The following NPL variants were observed in gnomAD, a reference collection of about 807,000 sequenced individuals.
The protein encoded by NPL is N-acetylneuraminate pyruvate lyase.
NPL carries 32 observed loss-of-function variants against 41.1 expected under a neutral mutation model. That is an observed-to-expected ratio of 0.78 (90% CI 0.59 to 1.05). The LOEUF (loss-of-function observed/expected upper bound fraction) is 1.05. Among genes scored for constraint, NPL ranks in the 50% least tolerant of loss-of-function variants. The pLI is 0.00. For synonymous variants in NPL, 128 were observed against 134.9 expected (o/e 0.95, Z 0.35); for missense variants, 321 against 378.4 (o/e 0.85, Z 1.26).
intron 3 of NPL, among the ~76,000 whole-genome samples, chr1:182,798,953 A>C (rs1261717880): frequency 1.3e-5 from 2 of 152,250 alleles, no homozygotes; most frequent in East Asian, 3.8e-4. Context: ...TATGTATAAA[A>C]GGCAAAAGAA....
chr1:182,816,548 G>A (rs1428035176), intron 7 of NPL, among the ~76,000 whole-genome samples, 166 bp from the exon 8 acceptor site: 2 of 152,194 alleles, frequency 1.3e-5, no homozygotes, highest in Non-Finnish European at 2.9e-5. Context: ...TGAAGGAAGT[G>A]AGTTGCAAAA....
intron 5 of NPL, 125 bp downstream of exon 5, chr1:182,806,357 A>C: frequency 6.4e-7 from 1 of 1,554,174 alleles, no homozygotes; most frequent in Non-Finnish European, 8.7e-7. Flanking sequence ...GCTGGTGGGA[A>C]GATGAGCAGG....
chr1:182,797,857 T>C (rs1402570074), intron 3 of NPL, among the ~76,000 whole-genome samples: 1 of 152,246 alleles, frequency 6.6e-6, no homozygotes, highest in African/African-American at 2.4e-5. Flanking sequence ...TGAATGCCAA[T>C]AATATACAAG....
chr1:182,803,319 T>C (rs1206008921), intron 3 of NPL, among the ~76,000 whole-genome samples: 2 of 152,236 alleles, frequency 1.3e-5, no homozygotes, highest in African/African-American at 2.4e-5. Context: ...CATTTAACCA[T>C]GTCTGCAACC....
chr1:182,797,392 C>T (rs1666705605), intron 3 of NPL, among the ~76,000 whole-genome samples: 1 of 152,168 alleles, frequency 6.6e-6, no homozygotes, highest in African/African-American at 2.4e-5. Context: ...ACAGATCAGT[C>T]CTGCATTTTA....
intron 5 of NPL, among the ~76,000 whole-genome samples, chr1:182,808,574 T>C (rs1315523507): frequency 6.6e-6 from 1 of 152,008 alleles, no homozygotes; most frequent in Non-Finnish European, 1.5e-5. Flanking sequence ...GAAAGAAGGG[T>C]AGTTTTGTTA....
chr1:182,814,720 C>A, intron 6 of NPL, 63 bp from the exon 7 acceptor site: 2 of 1,321,520 alleles, frequency 1.5e-6, no homozygotes, highest in South Asian at 1.2e-5. Context: ...ATCTTAGTAT[C>A]TAAGCTATAG....
At chr1:182,825,536 AT>A (rs1229549451) in intron 11 of NPL, among the ~76,000 whole-genome samples, 1 of 152,170 alleles carries the variant, frequency 6.6e-6, no homozygotes, top group African/African-American at 2.4e-5. Context: ...CTCTTGTAGA[AT>A]TCCATCATTG....
At position 182,829,489 on chromosome 1, in the gene NPL, GGTCAGGT is replaced by G. The variant is rs1667713519; in HGVS notation, c.*583_*589del. On this transcript the variant is annotated 3_prime_UTR_variant, in exon 13 of 13. Coordinates refer to ENST00000367553, the MANE Select transcript of NPL (RefSeq NM_030769.3). ...CACTTTTCGCTCTTTAAAAACACTG[GGTCAGGT>G]GAGGACTTGTTTCAGTTCCTATAAC... 1 of 1,479,218 alleles carries G rather than the reference GGTCAGGT, an allele frequency of 6.8e-7. No homozygotes were observed. Among genetic ancestry groups the G allele is most frequent in the Admixed American group, 2.4e-5 (1 of 41,032 alleles). The allele number at this position is 1,479,218 out of a possible 1,614,324, so 91.6% of individuals were successfully genotyped here.
intron 5 of NPL, among the ~76,000 whole-genome samples, chr1:182,810,705 T>C (rs1667151258): frequency 6.6e-6 from 1 of 152,160 alleles, no homozygotes; most frequent in Non-Finnish European, 1.5e-5. Flanking sequence ...CTTGTTTTTT[T>C]TTTCTTTAAG....
chr1:182,790,182 C>T (rs915296525), intron 1 of NPL, among the ~76,000 whole-genome samples: 2 of 152,180 alleles, frequency 1.3e-5, no homozygotes, highest in African/African-American at 4.8e-5. Context: ...TTAAAAATCC[C>T]TATTTGTATC....
chr1:182,816,957 C>CT, intron 8 of NPL, 151 bp downstream of exon 8: 1 of 695,222 alleles, frequency 1.4e-6, no homozygotes, highest in African/African-American at 1.8e-5. Flanking sequence ...AAATGTCACT[C>CT]TAAAGTCCCA....
chr1:182,790,933 G>C (rs1666496145), intron 1 of NPL, among the ~76,000 whole-genome samples: 1 of 152,118 alleles, frequency 6.6e-6, no homozygotes, highest in Non-Finnish European at 1.5e-5. Flanking sequence ...TTGAGCCACC[G>C]CGCCCGGCCA....
chr1:182,829,628 G>T lies in NPL; in HGVS notation c.*720G>T. On this transcript the variant is annotated 3_prime_UTR_variant, in exon 13 of 13. Coordinates refer to ENST00000367553, the MANE Select transcript of NPL (RefSeq NM_030769.3). ...AAAACTCAAAACTCAAAGTTTCAAA[G>T]AACCAAAGGACTCTTCCTCTGGGCA... is the stretch of plus-strand genomic sequence containing the variant. 6.4e-7 allele frequency: 1 copy of T among 1,550,530 alleles called. No homozygotes were observed. The highest frequency in any genetic ancestry group is 1.2e-5 in the South Asian group (1 of 84,034).
At chr1:182,809,011 T>G (rs1036186580) in intron 5 of NPL, among the ~76,000 whole-genome samples, 4 of 150,800 alleles carry the variant, frequency 2.7e-5, no homozygotes, top group Admixed American at 6.6e-5. Context: ...TGGAAGGTCT[T>G]GGATAGGGGG....
chr1:182,806,373 C>T (rs755119268), intron 5 of NPL, 141 bp downstream of exon 5: 25 of 1,548,086 alleles, frequency 1.6e-5, no homozygotes, highest in Non-Finnish European at 2.0e-5. Context: ...GCAGGGCCCC[C>T]GGGATCCTGG....
At position 182,818,546 on chromosome 1, in the gene NPL, G is replaced by A. The variant is rs1203535871; in HGVS notation, c.463G>A (p.Ala155Thr). 17 of 1,614,082 alleles carry A rather than the reference G, an allele frequency of 1.1e-5. No individual in the cohort carries two copies. Among genetic ancestry groups the A allele is most frequent in the Non-Finnish European group, 1.3e-5 (15 of 1,180,036 alleles). The change falls in exon 9 of 13, where the codon GCT becomes ACT. Residue 155 changes from alanine (A) to threonine (T), a missense_variant. Coordinates refer to ENST00000367553, the MANE Select transcript of NPL (RefSeq NM_030769.3). ...IPALTGVKIR[A>T]EELLDGILDK... ...GCACTTATTATTTTGAGCAGTTCGT[G>A]CTGAGGAGTTGTTGGATGGGATTCT...
At chr1:182,818,056 A>G (rs564670827) in intron 8 of NPL, among the ~76,000 whole-genome samples, 1 of 152,300 alleles carries the variant, frequency 6.6e-6, no homozygotes, top group Admixed American at 6.5e-5. Flanking sequence ...CCTCATCCTG[A>G]GGCAATCTAG....
intron 5 of NPL, chr1:182,806,637 C>A: frequency 7.8e-7 from 1 of 1,281,408 alleles, no homozygotes; most frequent in Non-Finnish European, 1.1e-6. Flanking sequence ...TTGTATTGGC[C>A]CACTTCTCCT....
Sources: allele counts gnomAD v4.1 joint callset (sites outside exome capture counted in the v4.1 genomes callset), GRCh38; gene constraint gnomAD v4.1.1; transcripts MANE v1.5; gene names NCBI Gene and HGNC (gene_info 2026-07-23, HGNC 2026-07-21).